The following STAU2 variants were observed in gnomAD, a reference collection of about 807,000 sequenced individuals.
STAU2 encodes the protein staufen double-stranded RNA binding protein 2.
STAU2 carries 20 observed loss-of-function variants against 65.9 expected under a neutral mutation model. The ratio of observed to expected loss-of-function variants is 0.30; its 90% CI spans 0.21 to 0.44. The LOEUF (loss-of-function observed/expected upper bound fraction) is 0.44, where lower values mean the gene tolerates loss of function less well. Among genes scored for constraint, STAU2 ranks in the 20% least tolerant of loss-of-function variants. The pLI is 1.00. For missense variants in STAU2, 558 were observed against 683.9 expected (o/e 0.82, Z 2.05); for synonymous variants, 232 against 233.9 (o/e 0.99, Z 0.07).
intron 11 of STAU2, among the ~76,000 whole-genome samples, chr8:73,594,908 T>C (rs1463887229): frequency 6.6e-6 from 1 of 152,184 alleles, no homozygotes; most frequent in East Asian, 1.9e-4. Context: ...GTCAACAAGT[T>C]AAAAATGTTA....
chr8:73,532,265 CCAATA>C (rs1487884933), intron 13 of STAU2, among the ~76,000 whole-genome samples: 1 of 152,112 alleles, frequency 6.6e-6, no homozygotes, highest in Admixed American at 6.6e-5. Context: ...ATATTTTACC[CCAATA>C]TATATTTAAA....
chr8:73,442,874 G>C (rs1585766347), intron 13 of STAU2, among the ~76,000 whole-genome samples: 1 of 152,296 alleles, frequency 6.6e-6, no homozygotes, highest in Middle Eastern at 3.4e-3. Context: ...TTCAAAAGCA[G>C]AAGATTTTCT....
chr8:73,629,025 C>T (rs1259390188), intron 6 of STAU2, among the ~76,000 whole-genome samples: 4 of 152,166 alleles, frequency 2.6e-5, no homozygotes, highest in Non-Finnish European at 5.9e-5. Context: ...GAGATGCAAA[C>T]TAATTATACT....
chr8:73,622,058 G>A (rs1198990543), intron 6 of STAU2, among the ~76,000 whole-genome samples: 5 of 143,406 alleles, frequency 3.5e-5, no homozygotes, highest in Admixed American at 2.2e-4. Flanking sequence ...CCGGGTTCTC[G>A]CCATTCTCCT....
rs554331170 is a variant in STAU2, at chr8:73,591,658, G to A, written c.1161+3508C>T. On this transcript the variant is annotated intron_variant, in intron 11 of 14. Coordinates refer to ENST00000524300, the MANE Select transcript of STAU2 (RefSeq NM_001164380.2). ...AGTCAACAAAGACACAACACTAACT[G>A]TATACATATATAACAACAAAGTTTC... Among the ~76,000 whole-genome samples the A allele has an allele frequency of 5.3e-4, 81 of 151,944 alleles. 2 individuals carry two copies. In the South Asian group the frequency reaches 1.0e-2, roughly 19 times the overall value.
chr8:73,494,274 A>G (rs1464784110), intron 13 of STAU2, among the ~76,000 whole-genome samples: 1 of 151,682 alleles, frequency 6.6e-6, no homozygotes, highest in Non-Finnish European at 1.5e-5. Context: ...CCAATACAAA[A>G]ATGAGATGGG....
At chr8:73,699,256 C>T (rs1256192862) in intron 4 of STAU2, among the ~76,000 whole-genome samples, 3 of 151,602 alleles carry the variant, frequency 2.0e-5, no homozygotes, top group African/African-American at 7.3e-5. Context: ...TAACAATGCA[C>T]CTTAAAGAAC....
chr8:73,632,648 A>G (rs148528923), intron 6 of STAU2, among the ~76,000 whole-genome samples: 1 of 152,330 alleles, frequency 6.6e-6, no homozygotes, highest in East Asian at 1.9e-4. Flanking sequence ...ATCAAGACTG[A>G]CAAGAGTATG....
At chr8:73,720,111 T>G (rs1821535746) in intron 3 of STAU2, among the ~76,000 whole-genome samples, 1 of 152,032 alleles carries the variant, frequency 6.6e-6, no homozygotes, top group Admixed American at 6.6e-5. Context: ...ACCTTATCTC[T>G]ACAAACATTA....
At chr8:73,544,922 A>G (rs1806798942) in intron 13 of STAU2, among the ~76,000 whole-genome samples, 1 of 152,190 alleles carries the variant, frequency 6.6e-6, no homozygotes, top group African/African-American at 2.4e-5. Context: ...TCAGTCTCCA[A>G]CTTGACCATA....
chr8:73,609,603 G>A (rs1353842540), intron 9 of STAU2, among the ~76,000 whole-genome samples: 2 of 151,916 alleles, frequency 1.3e-5, no homozygotes, highest in East Asian at 1.9e-4. Context: ...GCAGTGAGCC[G>A]AGATCATGCC....
chr8:73,578,257 C>T (rs1809724158), intron 12 of STAU2, among the ~76,000 whole-genome samples: 2 of 152,126 alleles, frequency 1.3e-5, no homozygotes, highest in Non-Finnish European at 2.9e-5. Context: ...GTTATCTGTG[C>T]TAATCTGATT....
intron 13 of STAU2, among the ~76,000 whole-genome samples, chr8:73,472,235 T>C (rs1398434225): frequency 6.6e-6 from 1 of 152,146 alleles, no homozygotes; most frequent in Non-Finnish European, 1.5e-5. Flanking sequence ...AGCTATACAG[T>C]TGGGTAACAC....
intron 12 of STAU2, among the ~76,000 whole-genome samples, chr8:73,559,322 A>G (rs1808020641): frequency 6.6e-6 from 1 of 152,194 alleles, no homozygotes; most frequent in African/African-American, 2.4e-5. Flanking sequence ...GAGACCCCAG[A>G]ACAGGGTGGT....
chr8:73,556,479 T>A (rs1056659497), intron 12 of STAU2, among the ~76,000 whole-genome samples: 1 of 152,114 alleles, frequency 6.6e-6, no homozygotes, highest in Non-Finnish European at 1.5e-5. Context: ...ATCTTAAGGC[T>A]GGGTGCTGTG....
chr8:73,557,209 C>A (rs529496013), intron 12 of STAU2, among the ~76,000 whole-genome samples: 6 of 152,164 alleles, frequency 3.9e-5, no homozygotes, highest in Non-Finnish European at 7.4e-5. Context: ...AGCATAAGAA[C>A]GTGGAGTTCA....
chr8:73,709,714 A>G (rs1018070476), intron 3 of STAU2, among the ~76,000 whole-genome samples: 3 of 152,036 alleles, frequency 2.0e-5, no homozygotes, highest in African/African-American at 7.2e-5. Context: ...CAAAGTTGTA[A>G]AAAGAATAAT....
intron 6 of STAU2, among the ~76,000 whole-genome samples, chr8:73,641,765 A>C (rs1404439222): frequency 1.3e-5 from 2 of 152,220 alleles, no homozygotes; most frequent in East Asian, 3.8e-4. Flanking sequence ...ATCCAAAAAA[A>C]CCTAAAATTT....
At chr8:73,545,860 G>A (rs914794536) in intron 13 of STAU2, among the ~76,000 whole-genome samples, 6 of 151,588 alleles carry the variant, frequency 4.0e-5, no homozygotes, top group Admixed American at 2.6e-4. Context: ...TGTTAGCCAG[G>A]ATGGTTTCGA....
Sources: allele counts gnomAD v4.1 joint callset (sites outside exome capture counted in the v4.1 genomes callset), GRCh38; gene constraint gnomAD v4.1.1; transcripts MANE v1.5; gene names NCBI Gene and HGNC (gene_info 2026-07-23, HGNC 2026-07-21).